FYB1: variants seen among roughly 807,000 people sequenced by gnomAD.
FYB1 encodes the protein FYN-binding protein 1.
FYB1 carries 41 observed loss-of-function variants against 94.1 expected under a neutral mutation model. The observed-to-expected ratio is 0.44, with a 90% confidence interval of 0.34 to 0.57. The LOEUF (loss-of-function observed/expected upper bound fraction) is 0.57. FYB1 is among the 20% of genes least tolerant of loss of function. The pLI, the probability that FYB1 is intolerant of heterozygous loss-of-function variation, is 0.02. For missense variants in FYB1, 1,050 were observed against 976.8 expected (o/e 1.07, Z -1.00); for synonymous variants, 367 against 353.2 (o/e 1.04, Z -0.44).
rs114431929 is a variant in FYB1, at chr5:39,228,848, C to T, written c.-27-25861G>A. On this transcript the variant is annotated intron_variant, in intron 1 of 1. Transcript: ENST00000510188. The stretch of plus-strand genomic sequence containing the variant: ...CTTTCCTCTTTTTTGGTTCTGAGAG[C>T]TAATAAATTTTAAAACACAATTAGA... 6.5e-3 allele frequency among the ~76,000 whole-genome samples: 989 copies of T among 152,206 alleles called. 15 individuals are homozygous for T. The highest frequency in any genetic ancestry group is 0.023 in the African/African-American group (938 of 41,530).
chr5:39,153,697 T>C (rs1743467996), intron 2 of FYB1, 93 bp from the exon 3 acceptor site: 1 of 1,272,250 alleles, frequency 7.9e-7, no homozygotes, highest in Non-Finnish European at 1.1e-6. Context: ...GATAAAATAA[T>C]TTGGCAAAAA....
intron 2 of FYB1, among the ~76,000 whole-genome samples, chr5:39,171,883 G>T (rs189814633): frequency 1.1e-3 from 166 of 152,282 alleles, no homozygotes; most frequent in Admixed American, 3.1e-3. Context: ...GGTGGGAAAA[G>T]CCTTGTTAAG....
Position 39,179,548 on chromosome 5 carries a change from C to CTT in FYB1, c.1135+22276_1135+22277dup, listed in dbSNP as rs11405241. 5.2e-3 allele frequency among the ~76,000 whole-genome samples: 729 copies of CTT among 139,600 alleles called. 6 individuals carry two copies. Among genetic ancestry groups the CTT allele is most frequent in the Middle Eastern group, 7.6e-3 (2 of 262 alleles). The allele number at this position is 139,600 out of a possible 152,430, so 91.6% of individuals were successfully genotyped here. On this transcript the variant is annotated intron_variant, in intron 2 of 18. Transcript: ENST00000512982. ...CATTTCCAAGCTTTTCTTCTTTTTT[C>CTT]TTTTTTTTTTTTTTTGAGACAGAGT...
At chr5:39,171,177 C>G (rs1745217020) in intron 2 of FYB1, among the ~76,000 whole-genome samples, 1 of 151,914 alleles carries the variant, frequency 6.6e-6, no homozygotes, top group Admixed American at 6.6e-5. Context: ...GTAATCCCAG[C>G]TACTCGGGAG....
chr5:39,242,176 CA>C (rs1751241001), intron 1 of FYB1, among the ~76,000 whole-genome samples: 1 of 152,022 alleles, frequency 6.6e-6, no homozygotes, highest in African/African-American at 2.4e-5. Flanking sequence ...TTCTAGGGTA[CA>C]TATGCACAAT....
At chr5:39,181,425 T>C (rs1319962373) in intron 2 of FYB1, among the ~76,000 whole-genome samples, 2 of 152,134 alleles carry the variant, frequency 1.3e-5, no homozygotes, top group Non-Finnish European at 2.9e-5. Context: ...TAGTGGATAC[T>C]ATATAGGACA....
At chr5:39,170,081 C>A (rs1000307141) in intron 2 of FYB1, 2 of 831,938 alleles carry the variant, frequency 2.4e-6, no homozygotes, top group African/African-American at 3.3e-5. Context: ...TTCACATTTG[C>A]AGTGCCAGCT....
intron 2 of FYB1, among the ~76,000 whole-genome samples, chr5:39,199,085 T>C (rs1199957599): frequency 6.6e-6 from 1 of 151,692 alleles, no homozygotes; most frequent in African/African-American, 2.4e-5. Context: ...ATACCACATG[T>C]TTATGTATAC....
chr5:39,182,253 C>T (rs1457407671), intron 2 of FYB1, among the ~76,000 whole-genome samples: 1 of 151,374 alleles, frequency 6.6e-6, no homozygotes, highest in Non-Finnish European at 1.5e-5. Flanking sequence ...GTGCAGGTGG[C>T]ACATACAAAT....
At chr5:39,237,152 C>A (rs1419398713) in intron 1 of FYB1, among the ~76,000 whole-genome samples, 2 of 152,036 alleles carry the variant, frequency 1.3e-5, no homozygotes, top group Non-Finnish European at 2.9e-5. Context: ...GTTTGACTGT[C>A]ATTGGTAACT....
intron 1 of FYB1, among the ~76,000 whole-genome samples, chr5:39,230,361 G>C (rs1386848116): frequency 1.3e-5 from 2 of 152,136 alleles, no homozygotes; most frequent in Non-Finnish European, 2.9e-5. Flanking sequence ...GCAGCCTTTG[G>C]AAGCTGGAAG....
chr5:39,228,672 C>T (rs73089269), intron 1 of FYB1, among the ~76,000 whole-genome samples: 1,548 of 152,202 alleles, frequency 0.01, 25 homozygotes, highest in African/African-American at 0.035. Flanking sequence ...TACCGTATTT[C>T]CCCGTAATTC....
chr5:39,169,727 A>C, intron 2 of FYB1: 1 of 473,786 alleles, frequency 2.1e-6, no homozygotes, highest in Non-Finnish European at 4.2e-6. Flanking sequence ...TAGATAGTTC[A>C]TGTGATTTGC....
intron 2 of FYB1, among the ~76,000 whole-genome samples, chr5:39,155,716 T>C (rs1201903075): frequency 6.6e-6 from 1 of 152,010 alleles, no homozygotes; most frequent in Non-Finnish European, 1.5e-5. Flanking sequence ...AATTTAACAC[T>C]TTAAAATTAT....
chr5:39,180,112 C>T (rs1746081178), intron 2 of FYB1, among the ~76,000 whole-genome samples: 1 of 152,164 alleles, frequency 6.6e-6, no homozygotes, highest in African/African-American at 2.4e-5. Context: ...CTATTGGATT[C>T]CTGAGGTCTA....
rs554949464 is a variant in FYB1, at chr5:39,229,873, G to A, written c.-27-26886C>T. ...GGCTTCACAAGAGAATAACCTGAGG[G>A]TAATTTTACAAAATGCTGACAGCCA... On this transcript the variant is annotated intron_variant, in intron 1 of 1. Coordinates refer to the FYB1 transcript ENST00000510188. Among the ~76,000 whole-genome samples, 27 of 152,236 alleles carry A rather than the reference G, an allele frequency of 1.8e-4. No homozygotes were observed. The South Asian group carries it at 5.6e-3, about 32-fold the overall frequency.
intron 1 of FYB1, among the ~76,000 whole-genome samples, chr5:39,208,139 G>T (rs1042136880): frequency 6.6e-6 from 1 of 152,080 alleles, no homozygotes; most frequent in African/African-American, 2.4e-5. Context: ...CTCATCTTTA[G>T]AACGTTCTTT....
In FYB1 at chr5:39,169,540, G is replaced by A. The variant is rs546932635; in HGVS notation, c.1136-15936C>T. The stretch of plus-strand genomic sequence containing the variant: ...GCAGAGTCCATCTGCTGTTTGAGGT[G>A]CTCCAGTTGAAAGACCAAGGAGGGC... On this transcript the variant is annotated intron_variant, in intron 2 of 18. Coordinates refer to ENST00000512982, the MANE Select transcript of FYB1 (RefSeq NM_001465.6). 4.7e-4 allele frequency: 257 copies of A among 545,766 alleles called. 1 individual carries two copies. The highest frequency in any genetic ancestry group is 2.5e-3 in the South Asian group (163 of 65,648). The allele number at this position is 545,766 out of a possible 1,614,324, so 33.8% of individuals were successfully genotyped here.
chr5:39,118,211 G>T (rs1739749987), intron 16 of FYB1, among the ~76,000 whole-genome samples: 2 of 152,076 alleles, frequency 1.3e-5, no homozygotes, highest in African/African-American at 2.4e-5. Context: ...GCCCCCATCT[G>T]TCAGCTTTAA....
Sources: gnomAD v4.1 joint callset for allele counts (sites outside exome capture counted in the v4.1 genomes callset) on GRCh38, gnomAD v4.1.1 for gene constraint, MANE v1.5 for transcripts, NCBI Gene and HGNC (gene_info 2026-07-23, HGNC 2026-07-21) for gene names.